Variants in ANKRD62 observed in about 807,000 individuals in gnomAD.
The protein encoded by ANKRD62 is ankyrin repeat domain-containing protein 62.
In ANKRD62, 61 loss-of-function variants were observed where a neutral mutation model predicts 98.8. The observed-to-expected ratio is 0.62, with a 90% confidence interval of 0.50 to 0.76. The LOEUF (loss-of-function observed/expected upper bound fraction) is 0.76. ANKRD62 is among the 30% of genes least tolerant of loss of function. ANKRD62 has a pLI of 0.00. For synonymous variants in ANKRD62, 341 were observed against 367.9 expected (o/e 0.93, Z 0.84); for missense variants, 933 against 1,082.9 (o/e 0.86, Z 1.94).
At chr18:12,158,996 C>A in the ANKRD62 span, among the ~76,000 whole-genome samples, 20 of 152,218 alleles carry the variant, frequency 1.3e-4, no homozygotes, top group Middle Eastern at 3.4e-3. Flanking sequence ...CCACAAAATT[C>A]TTCCTATGCT....
the ANKRD62 span, among the ~76,000 whole-genome samples, chr18:12,171,895 C>T: frequency 2.6e-5 from 4 of 152,174 alleles, no homozygotes; most frequent in Non-Finnish European, 5.9e-5. Flanking sequence ...GATCTTCAAT[C>T]ACTGATACCC....
intron 6 of ANKRD62, chr18:12,102,856 T>C (rs1420341701): frequency 1.9e-5 from 16 of 822,386 alleles, no homozygotes; most frequent in Non-Finnish European, 2.4e-5. Context: ...TTTCAAATTT[T>C]GTTTTTCTGA....
chr18:12,114,996 C>A, intron 8 of ANKRD62, 92 bp from the exon 9 acceptor site: 1 of 976,596 alleles, frequency 1.0e-6, no homozygotes, highest in East Asian at 3.0e-5. Context: ...AAACTACAAA[C>A]ACAGAGATTT....
the ANKRD62 span, among the ~76,000 whole-genome samples, chr18:12,137,611 T>C: frequency 6.6e-6 from 1 of 152,244 alleles, no homozygotes; most frequent in South Asian, 2.1e-4. Context: ...TGCAATAGTT[T>C]CAGAAGGAAT....
chr18:12,094,657 G>C (rs1476463991), intron 1 of ANKRD62, among the ~76,000 whole-genome samples: 1 of 34,338 alleles, frequency 2.9e-5, no homozygotes, highest in African/African-American at 1.7e-4. Context: ...GGATGGGGTG[G>C]GGGACTGTGG....
At chr18:12,111,480 C>A (rs1353492033) in intron 8 of ANKRD62, among the ~76,000 whole-genome samples, 1 of 152,096 alleles carries the variant, frequency 6.6e-6, no homozygotes, top group Non-Finnish European at 1.5e-5. Context: ...TGGAAGCGGT[C>A]CCCTTGAAAA....
At chr18:12,102,317 T>A in intron 6 of ANKRD62, 1 of 709,274 alleles carries the variant, frequency 1.4e-6, no homozygotes, top group Non-Finnish European at 2.6e-6. Context: ...GGTGGCTTGG[T>A]GACAAGCCAA....
chr18:12,119,413 A>G (rs1476358178), intron 10 of ANKRD62, among the ~76,000 whole-genome samples: 1 of 151,016 alleles, frequency 6.6e-6, no homozygotes, highest in Non-Finnish European at 1.5e-5. Flanking sequence ...GCTTATAAAC[A>G]GTAGAAAATG....
At chr18:12,138,829 G>T in the ANKRD62 span, among the ~76,000 whole-genome samples, 94 of 152,170 alleles carry the variant, frequency 6.2e-4, 1 homozygote, top group East Asian at 0.015. Flanking sequence ...ATTTTTGTTG[G>T]TTTAAAGTCT....
chr18:12,135,396 TA>T, the ANKRD62 span, among the ~76,000 whole-genome samples: 1 of 151,408 alleles, frequency 6.6e-6, no homozygotes, highest in Admixed American at 6.6e-5. Context: ...GGCTGCATAG[TA>T]TTCCATGGTG....
the ANKRD62 span, among the ~76,000 whole-genome samples, chr18:12,166,132 C>G: frequency 3.3e-5 from 5 of 152,154 alleles, no homozygotes; most frequent in East Asian, 9.6e-4. Context: ...TGGATTAAAT[C>G]TGCTTGGTGT....
the ANKRD62 span, among the ~76,000 whole-genome samples, chr18:12,152,686 C>T: frequency 6.6e-6 from 1 of 152,176 alleles, no homozygotes. Context: ...CAAGGATACC[C>T]TCTCTCACCA....
In ANKRD62 at chr18:12,125,646, C is replaced by T. The variant is rs184399379; in HGVS notation, c.1825C>T (p.Arg609Trp). The change falls in exon 13 of 14, where the codon CGG becomes TGG. Residue 609 changes from arginine (R) to tryptophan (W), a missense_variant. Around this residue, in one of 3 missense-constraint regions of ANKRD62, gnomAD observed 362 missense variants for 434.5 expected, o/e 0.83. Transcript: ENST00000587848. The part of the protein sequence containing the change: ...NNEDLEKTLK[R>W]NEEALTKTIT... Reference sequence around the variant, plus strand: ...TGAAGACCTTGAAAAGACTCTCAAGCGGAATGAGGAAGCATTAACAAAAAC... The same window carrying T: ...TGAAGACCTTGAAAAGACTCTCAAGTGGAATGAGGAAGCATTAACAAAAAC... The T allele has an allele frequency of 1.7e-4, 264 of 1,529,522 alleles. No homozygotes were observed. In the African/African-American group the frequency reaches 3.0e-3, roughly 17 times the overall value. The allele number at this position is 1,529,522 out of a possible 1,614,324, so 94.7% of individuals were successfully genotyped here. A position where few individuals can be genotyped will look rare whatever the true frequency, so the allele number is the denominator to read the frequency against.
the ANKRD62 span, among the ~76,000 whole-genome samples, chr18:12,145,792 A>G: frequency 0.012 from 1,885 of 151,724 alleles, 29 homozygotes; most frequent in African/African-American, 0.042. Context: ...GTGTTCCTCT[A>G]GTACAGCACA....
At chr18:12,121,094 T>C (rs189581959) in intron 10 of ANKRD62, among the ~76,000 whole-genome samples, 62 of 152,324 alleles carry the variant, frequency 4.1e-4, no homozygotes, top group African/African-American at 1.4e-3. Flanking sequence ...AAATTTACGA[T>C]TGTGATCTGT....
the ANKRD62 span, among the ~76,000 whole-genome samples, chr18:12,172,579 C>T: frequency 6.6e-6 from 1 of 152,160 alleles, no homozygotes; most frequent in Non-Finnish European, 1.5e-5. Context: ...GGTCAGGGAC[C>T]CACTTGAGGA....
downstream of ANKRD62, among the ~76,000 whole-genome samples, chr18:12,130,105 A>G (rs1909980940): frequency 6.6e-6 from 1 of 152,208 alleles, no homozygotes; most frequent in African/African-American, 2.4e-5. Flanking sequence ...AAGTATGTCT[A>G]TGTGAAGTCA....
Position 12,115,509 on chromosome 18 carries a change from TGAAC to T in ANKRD62, c.1216_1219del (p.Glu406LysfsTer26), listed in dbSNP as rs1270773685. On this transcript the variant is annotated frameshift_variant, in exon 10 of 14. Coordinates refer to ENST00000587848, the MANE Select transcript of ANKRD62 (RefSeq NM_001277333.2). LOFTEE classifies it high-confidence loss of function. Reference sequence around the variant, plus strand: ...ATGATGAGAATTTTATGTTACTCATTGAACAAAGTGGAATGGAGTGTAAAGGTAG... The same window carrying T: ...ATGATGAGAATTTTATGTTACTCATTAAAGTGGAATGGAGTGTAAAGGTAG... The T allele has an allele frequency of 6.5e-7, 1 of 1,537,418 alleles. No homozygotes were observed. Among genetic ancestry groups the T allele is most frequent in the Non-Finnish European group, 8.7e-7 (1 of 1,146,318 alleles).
chr18:12,163,821 G>C, the ANKRD62 span, among the ~76,000 whole-genome samples: 1 of 152,038 alleles, frequency 6.6e-6, no homozygotes, highest in Non-Finnish European at 1.5e-5. Context: ...CACACTGATT[G>C]ATTTGCATAT....
Sources: gnomAD v4.1 joint callset for allele counts (sites outside exome capture counted in the v4.1 genomes callset) on GRCh38, gnomAD v4.1.1 for gene constraint, gnomAD v4.1.1 regional missense constraint, MANE v1.5 for transcripts, NCBI Gene and HGNC (gene_info 2026-07-23, HGNC 2026-07-21) for gene names.